KIF26B: variants seen among roughly 807,000 people sequenced by gnomAD.
KIF26B encodes kinesin-like protein KIF26B.
KIF26B carries 63 observed loss-of-function variants against 151.2 expected under a neutral mutation model. The ratio of observed to expected loss-of-function variants is 0.42; its 90% confidence interval spans 0.34 to 0.51. The LOEUF is 0.51. KIF26B is among the 20% of genes least tolerant of loss of function. The probability of loss-of-function intolerance (pLI) is 0.07; values close to 1 mark genes in which losing one functional copy is unlikely to be tolerated. For missense variants in KIF26B, 2,813 were observed against 2,913.6 expected, an observed-to-expected ratio of 0.97 and a Z score of 0.79; for synonymous variants, 1,357 against 1,262.1, an observed-to-expected ratio of 1.08 and a Z score of -1.59.
In KIF26B at chr1:245,332,125, C is replaced by T. The variant is rs192021243; in HGVS notation, c.466-34709C>T. On this transcript the variant is annotated intron_variant, in intron 2 of 14. Transcript: ENST00000407071. Reference sequence around the variant, plus strand: ...GGGGCGACAGAACAAGACTCTGTCTCGAAATAAATAAATAGCAATAAAAAA... The same window carrying T: ...GGGGCGACAGAACAAGACTCTGTCTTGAAATAAATAAATAGCAATAAAAAA... 5.6e-3 allele frequency among the ~76,000 whole-genome samples: 853 copies of T among 151,846 alleles called. 23 individuals are homozygous for T. Among genetic ancestry groups the T allele is most frequent in the Admixed American group, 0.047 (715 of 15,258 alleles).
At chr1:245,436,209 G>T (rs1173849) in intron 4 of KIF26B, among the ~76,000 whole-genome samples, 1 of 151,548 alleles carries the variant, frequency 6.6e-6, no homozygotes, top group Admixed American at 6.6e-5. Flanking sequence ...CTTCTAAATA[G>T]CTTGCTGAGT....
At chr1:245,580,071 G>A (rs536496697) in intron 5 of KIF26B, among the ~76,000 whole-genome samples, 33 of 152,220 alleles carry the variant, frequency 2.2e-4, no homozygotes, top group Admixed American at 8.5e-4. Flanking sequence ...GTACCGTGCC[G>A]ATAATCACTG....
At chr1:245,228,315 C>T (rs1244684621) in intron 2 of KIF26B, among the ~76,000 whole-genome samples, 3 of 152,176 alleles carry the variant, frequency 2.0e-5, no homozygotes, top group African/African-American at 7.2e-5. Flanking sequence ...GGTATCTTCC[C>T]ATGTATCCTT....
intron 9 of KIF26B, among the ~76,000 whole-genome samples, chr1:245,644,948 A>G (rs985779978): frequency 6.6e-6 from 1 of 152,196 alleles, no homozygotes; most frequent in Non-Finnish European, 1.5e-5. Flanking sequence ...GGACTCAGGA[A>G]GCTTACGATG....
chr1:245,426,398 C>T (rs1363131267), intron 4 of KIF26B, among the ~76,000 whole-genome samples: 1 of 152,208 alleles, frequency 6.6e-6, no homozygotes, highest in Non-Finnish European at 1.5e-5. Flanking sequence ...TCTGCTTTCT[C>T]TTCCACACTT....
intron 4 of KIF26B, among the ~76,000 whole-genome samples, chr1:245,465,492 C>A (rs1363532564): frequency 6.6e-6 from 1 of 152,120 alleles, no homozygotes. Context: ...GAGATTCTAT[C>A]GACCAAAGGA....
rs567652329 is a variant in KIF26B, at chr1:245,540,842, G to A, written c.1242G>A (p.Pro414=). The change falls in exon 5 of 15, where the codon CCG becomes CCA. Residue 414 remains proline, a synonymous_variant. Coordinates refer to ENST00000407071, the MANE Select transcript of KIF26B (RefSeq NM_018012.4). This position sits in a 1 kb window ranked among gnomAD's most constrained non-coding sequence, Gnocchi z 4.6. ...RPSTSSAAEP[P]LFATSFSGIL... Reference sequence around the variant, plus strand: ...CCACTTCTTCCGCTGCCGAACCACCGCTCTTTGCAACCAGCTTCAGTGGGA... The same window carrying A: ...CCACTTCTTCCGCTGCCGAACCACCACTCTTTGCAACCAGCTTCAGTGGGA... 189 of 1,613,756 alleles carry A rather than the reference G, an allele frequency of 1.2e-4. No homozygotes were observed. The highest frequency in any genetic ancestry group is 2.7e-4 in the East Asian group (12 of 44,884).
intron 2 of KIF26B, among the ~76,000 whole-genome samples, chr1:245,187,978 G>A (rs531778611): frequency 6.6e-6 from 1 of 152,134 alleles, no homozygotes; most frequent in East Asian, 1.9e-4. Context: ...CACTGAAATT[G>A]GAATCAGAGG....
intron 4 of KIF26B, among the ~76,000 whole-genome samples, chr1:245,490,080 G>C (rs1040121574): frequency 2.0e-5 from 3 of 152,082 alleles, no homozygotes; most frequent in African/African-American, 7.2e-5. Context: ...AGATTTGTTC[G>C]ACTCCTCAGA....
chr1:245,408,884 G>C (rs1390823110), intron 3 of KIF26B, among the ~76,000 whole-genome samples: 2 of 152,248 alleles, frequency 1.3e-5, no homozygotes, highest in East Asian at 1.9e-4. Flanking sequence ...TGCTTCACAG[G>C]GTTGTTGTCA....
chr1:245,477,374 A>G (rs546863681), intron 4 of KIF26B, among the ~76,000 whole-genome samples: 10 of 151,724 alleles, frequency 6.6e-5, no homozygotes, highest in African/African-American at 2.2e-4. Flanking sequence ...ACCAAGACGA[A>G]GATTCCTGCC....
chr1:245,196,756 A>G (rs915662762), intron 2 of KIF26B, among the ~76,000 whole-genome samples: 1 of 152,096 alleles, frequency 6.6e-6, no homozygotes, highest in African/African-American at 2.4e-5. Context: ...AATCTTACCC[A>G]TCTATTAGAG....
intron 5 of KIF26B, among the ~76,000 whole-genome samples, chr1:245,546,645 T>C (rs77237318): frequency 0.019 from 2,937 of 152,292 alleles, 116 homozygotes; most frequent in African/African-American, 0.066. Flanking sequence ...TGGATCCCAG[T>C]AGATTCTGGA....
intron 5 of KIF26B, among the ~76,000 whole-genome samples, chr1:245,579,862 A>G (rs2043158166): frequency 6.6e-6 from 1 of 152,084 alleles, no homozygotes; most frequent in Non-Finnish European, 1.5e-5. Flanking sequence ...GAAAAAAAAA[A>G]AAAAAGAGCT....
At chr1:245,543,184 G>C (rs1661663056) in intron 5 of KIF26B, among the ~76,000 whole-genome samples, 1 of 152,122 alleles carries the variant, frequency 6.6e-6, no homozygotes, top group East Asian at 1.9e-4. Context: ...TCTGAGACAA[G>C]GACATCAGGG....
At chr1:245,201,228 G>A (rs1232552723) in intron 2 of KIF26B, among the ~76,000 whole-genome samples, 3 of 152,186 alleles carry the variant, frequency 2.0e-5, no homozygotes, top group Non-Finnish European at 4.4e-5. Flanking sequence ...GGTATTACAA[G>A]TTAAACACGC....
intron 4 of KIF26B, among the ~76,000 whole-genome samples, chr1:245,461,388 G>GC (rs1294066239): frequency 6.6e-6 from 1 of 151,362 alleles, no homozygotes; most frequent in African/African-American, 2.4e-5. Context: ...CCCAAGCAAT[G>GC]CCCCCACCTC....
chr1:245,427,490 C>A (rs1156606324), intron 4 of KIF26B, among the ~76,000 whole-genome samples: 1 of 152,144 alleles, frequency 6.6e-6, no homozygotes, highest in Non-Finnish European at 1.5e-5. Context: ...CGCCTGTAAT[C>A]CCGTCTACTT....
At chr1:245,455,782 T>TGAGGCCAGA (rs1381398652) in intron 4 of KIF26B, among the ~76,000 whole-genome samples, 1 of 152,192 alleles carries the variant, frequency 6.6e-6, no homozygotes, top group African/African-American at 2.4e-5. Context: ...CCAGCACCCC[T>TGAGGCCAGA]GAGGCCAGAG....
Sources: gnomAD v4.1 joint callset for allele counts (sites outside exome capture counted in the v4.1 genomes callset) on GRCh38, gnomAD v4.1.1 for gene constraint, Gnocchi (gnomAD v3.1) non-coding constraint, MANE v1.5 for transcripts, NCBI Gene and HGNC (gene_info 2026-07-23, HGNC 2026-07-21) for gene names.